Variants in RGL1 observed in about 807,000 individuals in gnomAD.
RGL1 encodes ral guanine nucleotide dissociation stimulator like 1, also known as ral guanine nucleotide dissociation stimulator-like 1.
In RGL1, 24 loss-of-function variants were observed where a neutral mutation model predicts 95.2. The ratio of observed to expected loss-of-function variants is 0.25; its 90% CI spans 0.18 to 0.35. RGL1 has a LOEUF of 0.35. RGL1 is among the 10% of genes least tolerant of loss of function. The pLI is 1.00. For missense variants in RGL1, 715 were observed against 936.3 expected (o/e 0.76, Z 3.08); for synonymous variants, 329 against 344.9 (o/e 0.95, Z 0.51).
At chr1:183,846,151 C>T (rs1275578655) in intron 2 of RGL1, among the ~76,000 whole-genome samples, 1 of 152,186 alleles carries the variant, frequency 6.6e-6, no homozygotes, top group Non-Finnish European at 1.5e-5. Context: ...CCCAAATGCC[C>T]ATCAGTGATA....
intron 1 of RGL1, among the ~76,000 whole-genome samples, chr1:183,668,666 G>GT (rs202214304): frequency 0.016 from 2,440 of 151,700 alleles, 59 homozygotes; most frequent in African/African-American, 0.054. Context: ...CCTAAGCATA[G>GT]TTTTTTTTGT....
chr1:183,799,215 T>C (rs1481370268), intron 2 of RGL1, among the ~76,000 whole-genome samples: 1 of 152,168 alleles, frequency 6.6e-6, no homozygotes, highest in Non-Finnish European at 1.5e-5. Flanking sequence ...TTTTTTAAGG[T>C]TGAATAATAA....
chr1:183,704,367 A>C (rs1395994696), intron 1 of RGL1, among the ~76,000 whole-genome samples: 2 of 152,084 alleles, frequency 1.3e-5, no homozygotes, highest in South Asian at 4.2e-4. Flanking sequence ...ATATATGTTG[A>C]TCTGTTGTCT....
At chr1:183,736,886 A>G (rs150483235) in intron 1 of RGL1, among the ~76,000 whole-genome samples, 5 of 152,322 alleles carry the variant, frequency 3.3e-5, no homozygotes, top group African/African-American at 7.2e-5. Context: ...ATAGATAAAG[A>G]TAAGAAGCAC....
At chr1:183,675,262 A>C (rs1652744356) in intron 1 of RGL1, among the ~76,000 whole-genome samples, 2 of 151,166 alleles carry the variant, frequency 1.3e-5, no homozygotes, top group South Asian at 4.2e-4. Context: ...AAACCCTTTT[A>C]TTTACATAGG....
intron 2 of RGL1, among the ~76,000 whole-genome samples, chr1:183,810,398 T>C (rs959117397): frequency 7.2e-5 from 11 of 152,232 alleles, no homozygotes; most frequent in African/African-American, 2.4e-4. Context: ...TCTGTGGTCA[T>C]GCAGTCCTTG....
At chr1:183,873,452 T>C (rs1158812652) in intron 4 of RGL1, among the ~76,000 whole-genome samples, 2 of 152,204 alleles carry the variant, frequency 1.3e-5, no homozygotes, top group South Asian at 2.1e-4. Flanking sequence ...AGAGAAGTTA[T>C]GTGTTTTGAC....
At chr1:183,889,094 C>T (rs1667274797) in intron 8 of RGL1, among the ~76,000 whole-genome samples, 1 of 152,076 alleles carries the variant, frequency 6.6e-6, no homozygotes, top group South Asian at 2.1e-4. Flanking sequence ...ATTAACTGGC[C>T]ACATCCTATG....
intron 2 of RGL1, among the ~76,000 whole-genome samples, chr1:183,795,337 G>C (rs1660644514): frequency 6.6e-6 from 1 of 152,228 alleles, no homozygotes; most frequent in African/African-American, 2.4e-5. Context: ...GGGAGAAACA[G>C]ACATTTATCA....
intron 2 of RGL1, among the ~76,000 whole-genome samples, chr1:183,768,978 C>G (rs1659138952): frequency 6.6e-6 from 1 of 152,118 alleles, no homozygotes; most frequent in African/African-American, 2.4e-5. Context: ...GTATCATAAC[C>G]TTTTCTTAAT....
chr1:183,842,548 G>A (rs1196012574), intron 2 of RGL1, among the ~76,000 whole-genome samples: 1 of 152,030 alleles, frequency 6.6e-6, no homozygotes, highest in Non-Finnish European at 1.5e-5. Context: ...TTACCCCATA[G>A]GACTCAGACA....
At chr1:183,721,570 T>G (rs1051149018) in intron 1 of RGL1, among the ~76,000 whole-genome samples, 3 of 152,218 alleles carry the variant, frequency 2.0e-5, no homozygotes, top group African/African-American at 7.2e-5. Flanking sequence ...TCTGCATACC[T>G]CACCAATCTT....
At chr1:183,800,746 A>G (rs564103837), upstream of RGL1, among the ~76,000 whole-genome samples, 1 of 152,324 alleles carries the variant, frequency 6.6e-6, no homozygotes, top group East Asian at 1.9e-4. Context: ...AAGTGGGATC[A>G]TGTAGTATTT....
At chr1:183,754,187 A>C (rs1053671458) in intron 2 of RGL1, among the ~76,000 whole-genome samples, 12 of 152,192 alleles carry the variant, frequency 7.9e-5, no homozygotes, top group Non-Finnish European at 1.6e-4. Context: ...ATATAAAGAT[A>C]GTCAACTTTC....
chr1:183,744,150 A>G (rs150006312), intron 2 of RGL1, among the ~76,000 whole-genome samples: 1 of 152,342 alleles, frequency 6.6e-6, no homozygotes, highest in East Asian at 1.9e-4. Flanking sequence ...GGAAATTATT[A>G]TACCAACTCC....
chr1:183,639,596 CT>C (rs1468986621), intron 1 of RGL1, among the ~76,000 whole-genome samples: 2 of 150,518 alleles, frequency 1.3e-5, no homozygotes, highest in African/African-American at 4.9e-5. Flanking sequence ...TTCATTTTTT[CT>C]TTGTTTCAAG....
chr1:183,649,058 G>A (rs1650530055), intron 1 of RGL1, among the ~76,000 whole-genome samples: 1 of 152,194 alleles, frequency 6.6e-6, no homozygotes, highest in Non-Finnish European at 1.5e-5. Flanking sequence ...AAGCAAATGA[G>A]TTAACAATGC....
rs568049968 is a variant in RGL1 at position 183,906,922 on chromosome 1, C to A, written c.1473-90C>A. The A allele has an allele frequency of 2.5e-4, 197 of 777,476 alleles. No individual in the cohort carries two copies. The African/African-American group carries it at 2.9e-3, about 11-fold the overall frequency. The allele number at this position is 777,476 out of a possible 1,614,324, so 48.2% of individuals were successfully genotyped here. The stretch of plus-strand genomic sequence containing the variant: ...CTTTACTTTGAACAATTAGAGCCTT[C>A]TCTAAAACAAAACCAGGACATCATG... On this transcript the variant is annotated intron_variant, in intron 13 of 17. Coordinates refer to ENST00000360851, the MANE Select transcript of RGL1 (RefSeq NM_001297671.3).
At chr1:183,803,051 A>G (rs1259358262), upstream of RGL1, among the ~76,000 whole-genome samples, 4 of 152,222 alleles carry the variant, frequency 2.6e-5, no homozygotes, top group Non-Finnish European at 4.4e-5. Flanking sequence ...GCAACACACA[A>G]TTGCTCTATC....
Sources: gnomAD v4.1 joint callset for allele counts (sites outside exome capture counted in the v4.1 genomes callset) on GRCh38, gnomAD v4.1.1 for gene constraint, MANE v1.5 for transcripts, NCBI Gene and HGNC (gene_info 2026-07-23, HGNC 2026-07-21) for gene names.